The following GNAI2 variants were observed in gnomAD, a reference collection of about 807,000 sequenced individuals.
The protein encoded by GNAI2 is G protein subunit alpha i2.
In GNAI2, 4 loss-of-function variants were observed where a neutral mutation model predicts 36.8. The ratio of observed to expected loss-of-function variants is 0.11; its 90% CI spans 0.05 to 0.25. GNAI2 has a LOEUF of 0.25. GNAI2 is among the 10% of genes least tolerant of loss of function. The probability of loss-of-function intolerance (pLI) is 1.00; values close to 1 mark genes in which losing one functional copy is unlikely to be tolerated. For synonymous variants in GNAI2, 194 were observed against 194.1 expected, an observed-to-expected ratio of 1.00 and a Z score of 0.01; for missense variants, 230 against 481.3, an observed-to-expected ratio of 0.48 and a Z score of 4.89.
upstream of GNAI2, chr3:50,230,379 C>T (rs1251048735): frequency 6.6e-6 from 1 of 152,218 alleles, no homozygotes; most frequent in Non-Finnish European, 1.5e-5. Flanking sequence ...GGTCCTTGGC[C>T]AGGGACTCCC....
At chr3:50,249,769 A>C (rs1700510650) in intron 1 of GNAI2, among the ~76,000 whole-genome samples, 1 of 152,214 alleles carries the variant, frequency 6.6e-6, no homozygotes, top group Non-Finnish European at 1.5e-5. Context: ...CAGGCCTGGG[A>C]CAGTCAGAAG....
At chr3:50,256,512 C>T in intron 5 of GNAI2, 192 bp downstream of exon 5, 3 of 706,974 alleles carry the variant, frequency 4.2e-6, no homozygotes, top group East Asian at 5.3e-5. Context: ...TGCTCACAGC[C>T]TCTGCTGCTC....
At position 50,257,509 on chromosome 3, in the gene GNAI2, A is replaced by G. The variant is rs781997515; in HGVS notation, c.887A>G (p.Lys296Arg). The change falls in exon 8 of 9, where the codon AAA (lysine) becomes AGA (arginine). Residue 296 changes from lysine to arginine, a missense_variant. Lys to Arg is a conservative substitution (Grantham distance 26). This residue lies in a region of GNAI2 where 51 missense variants were observed against 56.7 expected (regional missense o/e 0.90). Coordinates refer to ENST00000313601, the MANE Select transcript of GNAI2 (RefSeq NM_002070.4). ...ATTTTCTCTCCCCCAGGGGCCAACAAATATGATGAGGCAGCCAGCTACATC... is the reference window on the plus strand; with the variant it reads ...ATTTTCTCTCCCCCAGGGGCCAACAGATATGATGAGGCAGCCAGCTACATC... ...ICFPEYTGAN[K>R]YDEAASYIQS... The G allele has an allele frequency of 1.9e-6, 3 of 1,560,412 alleles. No homozygotes were observed. Among genetic ancestry groups the G allele is most frequent in the Non-Finnish European group, 1.7e-6 (2 of 1,149,674 alleles).
chr3:50,227,370 C>T (rs1559759978), upstream of GNAI2: 1 of 410,842 alleles, frequency 2.4e-6, no homozygotes, highest in East Asian at 3.6e-5. The surrounding 1 kb of genome is among the most constrained non-coding windows in gnomAD (Gnocchi z 5.9). Context: ...GGGGGCCAGG[C>T]CCGGAGGCAG....
chr3:50,240,441 G>C (rs1700274485), intron 1 of GNAI2, among the ~76,000 whole-genome samples: 1 of 152,200 alleles, frequency 6.6e-6, no homozygotes, highest in Non-Finnish European at 1.5e-5. Context: ...CCCTGGACCA[G>C]CCCATGGGGT....
rs587762176 is a variant in GNAI2, at chr3:50,238,746, G to A, written c.118+2293G>A. ...GCTGCCTGGGGAGGGATCCTGGCTT[G>A]AGCCATGCCTTTCCCATCCAGGTGC... is the stretch of plus-strand genomic sequence containing the variant. On this transcript the variant is annotated intron_variant, in intron 1 of 8. Transcript: ENST00000313601. This position sits in a 1 kb window ranked among gnomAD's most constrained non-coding sequence, Gnocchi z 5.0. Among the ~76,000 whole-genome samples the A allele has an allele frequency of 1.4e-4, 21 of 152,344 alleles. No individual in the cohort carries two copies. The highest frequency in any genetic ancestry group is 2.8e-4 in the Non-Finnish European group (19 of 68,020).
intron 1 of GNAI2, among the ~76,000 whole-genome samples, chr3:50,246,526 C>A (rs1013002459): frequency 2.0e-5 from 3 of 152,360 alleles, no homozygotes; most frequent in Non-Finnish European, 4.4e-5. Flanking sequence ...GCTACCCCCA[C>A]CTGCCCCACC....
At chr3:50,230,875 C>G (rs587734170) in exon 1 of GNAI2, 1 of 985,330 alleles carries the variant, frequency 1.0e-6, no homozygotes, top group East Asian at 1.1e-4. Flanking sequence ...AATGAACTCT[C>G]CTGAAAGGAC....
upstream of GNAI2, among the ~76,000 whole-genome samples, chr3:50,232,521 A>G (rs1700086574): frequency 1.3e-5 from 2 of 152,280 alleles, no homozygotes; most frequent in South Asian, 2.1e-4. Flanking sequence ...TACTTGTCCA[A>G]AGTAACAAGT....
chr3:50,234,624 A>C (rs1382635080), upstream of GNAI2, among the ~76,000 whole-genome samples: 1 of 152,064 alleles, frequency 6.6e-6, no homozygotes, highest in Non-Finnish European at 1.5e-5. Context: ...AGTTGCTGGG[A>C]TTATAGGCAT....
chr3:50,231,873 A>T (rs587751842), upstream of GNAI2, among the ~76,000 whole-genome samples: 1 of 152,220 alleles, frequency 6.6e-6, no homozygotes, highest in African/African-American at 2.4e-5. Flanking sequence ...TGGACCCTTG[A>T]GTGGGGACAA....
chr3:50,236,150 C>T (rs2109179397), upstream of GNAI2: 2 of 1,154,958 alleles, frequency 1.7e-6, no homozygotes, highest in Non-Finnish European at 2.1e-6. The surrounding 1 kb of genome is among the most constrained non-coding windows in gnomAD (Gnocchi z 4.0). Context: ...GCCCAGGCCC[C>T]ACCCCCGGCC....
upstream of GNAI2, among the ~76,000 whole-genome samples, chr3:50,234,816 C>G (rs1700131665): frequency 6.6e-6 from 1 of 152,198 alleles, no homozygotes; most frequent in South Asian, 2.1e-4. Context: ...TTTGGCAGAC[C>G]CTTCAAATGT....
Position 50,253,173 on chromosome 3 carries a change from C to T in GNAI2, c.453C>T (p.Asp151=). 5 of 1,610,882 alleles carry T rather than the reference C, an allele frequency of 3.1e-6. No homozygotes were observed. Among genetic ancestry groups the T allele is most frequent in the Non-Finnish European group, 4.2e-6 (5 of 1,177,626 alleles). The change falls in exon 4 of 9, where the codon GAC becomes GAT. Residue 151 remains aspartate (D), a synonymous_variant. Transcript: ENST00000313601. This position sits in a 1 kb window ranked among gnomAD's most constrained non-coding sequence, Gnocchi z 4.2. ...FGRSREYQLN[D]SAAYYLNDLE... Reference sequence around the variant, plus strand: ...GCTCAAGGGAATACCAGCTCAACGACTCAGCTGCCTAGTGAGTGCTCTGAG... The same window carrying T: ...GCTCAAGGGAATACCAGCTCAACGATTCAGCTGCCTAGTGAGTGCTCTGAG...
At chr3:50,239,627 A>T (rs1700256927) in intron 1 of GNAI2, 1 of 152,230 alleles carries the variant, frequency 6.6e-6, no homozygotes, top group Admixed American at 6.5e-5. Context: ...GCAAGGGCCC[A>T]CAGGCCCACC....
chr3:50,256,386 G>T, intron 5 of GNAI2, 66 bp downstream of exon 5: 2 of 1,466,216 alleles, frequency 1.4e-6, no homozygotes, highest in South Asian at 2.3e-5. Flanking sequence ...CAGAGGCAGG[G>T]GCTGGTCCAG....
rs1700312696 is a variant in GNAI2, at chr3:50,242,144, T to G, written c.118+5691T>G. ...ACCCATTCACTTGGCGGGAACAGGATGGAGGAAGCTTTGTCCACCCAAGCT... is the reference window on the plus strand; with the variant it reads ...ACCCATTCACTTGGCGGGAACAGGAGGGAGGAAGCTTTGTCCACCCAAGCT... On this transcript the variant is annotated intron_variant, in intron 1 of 8. Coordinates refer to ENST00000313601, the MANE Select transcript of GNAI2 (RefSeq NM_002070.4). The surrounding 1 kb of genome is among the most constrained non-coding windows in gnomAD (Gnocchi z 4.8). 1.3e-5 allele frequency among the ~76,000 whole-genome samples: 2 copies of G among 152,076 alleles called. No individual in the cohort carries two copies. The highest frequency in any genetic ancestry group is 4.8e-5 in the African/African-American group (2 of 41,378).
upstream of GNAI2, among the ~76,000 whole-genome samples, chr3:50,232,659 C>G (rs764842863): frequency 2.0e-4 from 30 of 152,176 alleles, no homozygotes; most frequent in Non-Finnish European, 3.8e-4. Context: ...ATTGGGGAAC[C>G]ACAGAAAGTT....
intron 1 of GNAI2, among the ~76,000 whole-genome samples, chr3:50,248,351 G>A (rs1357245488): frequency 3.3e-5 from 5 of 152,188 alleles, no homozygotes; most frequent in Admixed American, 2.6e-4. Context: ...CAGCTTATCT[G>A]GTAGGGGGCA....
Sources: allele counts gnomAD v4.1 joint callset (sites outside exome capture counted in the v4.1 genomes callset), GRCh38; gene constraint gnomAD v4.1.1; regional missense constraint gnomAD v4.1.1; non-coding constraint Gnocchi (gnomAD v3.1); transcripts MANE v1.5; gene names NCBI Gene and HGNC (gene_info 2026-07-23, HGNC 2026-07-21).